The following UBXN2A variants were observed in gnomAD, a reference collection of about 807,000 sequenced individuals.
The protein encoded by UBXN2A is UBX domain protein 2A, also known as UBX domain-containing protein 2A.
A neutral mutation model predicts 28.4 loss-of-function variants in UBXN2A; 28 were observed. The observed-to-expected ratio is 0.99, with a 90% CI of 0.73 to 1.35. The LOEUF (loss-of-function observed/expected upper bound fraction) is 1.35, where lower values mean the gene tolerates loss of function less well. Among genes scored for constraint, UBXN2A ranks in the 40% most tolerant of loss-of-function variants. The probability of loss-of-function intolerance (pLI) is 0.00; values close to 1 mark genes in which losing one functional copy is unlikely to be tolerated. For missense variants in UBXN2A, 253 were observed against 297.9 expected, an observed-to-expected ratio of 0.85 and a Z score of 1.11; for synonymous variants, 97 against 103.6, an observed-to-expected ratio of 0.94 and a Z score of 0.39.
At position 24,003,722 on chromosome 2, in the gene UBXN2A, ACC is replaced by A. The variant is rs1491571475; in HGVS notation, c.*3856_*3857del. 7 of 50,238 alleles carry A rather than the reference ACC, an allele frequency of 1.4e-4. No individual in the cohort carries two copies. Among genetic ancestry groups the A allele is most frequent in the East Asian group, 6.9e-4 (1 of 1,452 alleles). The allele number at this position is 50,238 out of a possible 1,614,324, so 3.1% of individuals were successfully genotyped here. On this transcript the variant is annotated 3_prime_UTR_variant, in exon 7 of 7. Transcript: ENST00000309033. Reference sequence around the variant, plus strand: ...GTAGTGAAACAAAAATAATGTTCTTACCAAAAAAAAAAAAAAAAAAAAGAGGC... The same window carrying A: ...GTAGTGAAACAAAAATAATGTTCTTAAAAAAAAAAAAAAAAAAAAAGAGGC...
rs1421109868 is a variant in UBXN2A at position 23,984,808 on chromosome 2, C to T, written c.561C>T (p.Val187=). 6.4e-7 allele frequency: 1 copy of T among 1,553,914 alleles called. No individual in the cohort carries two copies. Among genetic ancestry groups the T allele is most frequent in the Non-Finnish European group, 8.6e-7 (1 of 1,161,720 alleles). Residue 187 remains valine (V), a synonymous_variant, in exon 6 of 7, where the codon GTC becomes GTT. Coordinates refer to ENST00000309033, the MANE Select transcript of UBXN2A (RefSeq NM_181713.4). The part of the protein sequence containing the change: ...QIWLANGKRI[V]QKFNITHRVS... ...GGTTGGCCAATGGAAAAAGGATTGT[C>T]CAGAAATTTAACATTACTCATAGGT...
intron 1 of UBXN2A, among the ~76,000 whole-genome samples, chr2:23,957,759 G>A (rs924290021): frequency 2.0e-5 from 3 of 152,140 alleles, no homozygotes; most frequent in Non-Finnish European, 2.9e-5. Context: ...TCTGGAACCC[G>A]GGAGATGGAG....
chr2:23,936,013 A>G (rs1057333821), upstream of UBXN2A, among the ~76,000 whole-genome samples: 4 of 152,076 alleles, frequency 2.6e-5, no homozygotes, highest in African/African-American at 4.8e-5. Flanking sequence ...GATTGCACCA[A>G]TGCACTCCAG....
chr2:23,983,145 G>T, intron 5 of UBXN2A, 112 bp downstream of exon 5: 7 of 1,223,796 alleles, frequency 5.7e-6, no homozygotes. Context: ...TTCTCCCATT[G>T]GAAATCAGAT....
chr2:23,948,875 A>G (rs913795223), intron 1 of UBXN2A, among the ~76,000 whole-genome samples: 1 of 151,880 alleles, frequency 6.6e-6, no homozygotes, highest in Non-Finnish European at 1.5e-5. Context: ...AAGTATTTGT[A>G]ATTTCCTAGA....
chr2:23,976,919 C>G lies in UBXN2A; in HGVS notation c.181-50C>G, dbSNP rs773572272. ...AAGAAATTTTCAAAGGACTTTCAAT[C>G]CTACTACATTTTATTAACATGACGC... On this transcript the variant is annotated intron_variant, in intron 3 of 6. Coordinates refer to ENST00000309033, the MANE Select transcript of UBXN2A (RefSeq NM_181713.4). 11 of 1,481,104 alleles carry G rather than the reference C, an allele frequency of 7.4e-6. No homozygotes were observed. In the African/African-American group the frequency reaches 9.7e-5, roughly 13 times the overall value. 91.7% of individuals were successfully genotyped at this position (1,481,104 alleles called of 1,614,324 possible). A position where few individuals can be genotyped will look rare whatever the true frequency, so the allele number is the denominator to read the frequency against.
chr2:23,981,569 A>G (rs1377562925), intron 4 of UBXN2A, among the ~76,000 whole-genome samples: 3 of 151,764 alleles, frequency 2.0e-5, no homozygotes, highest in Non-Finnish European at 4.4e-5. Flanking sequence ...CGTTTTCAGA[A>G]TAAATCAACT....
At chr2:23,963,473 A>G (rs75822221) in intron 2 of UBXN2A, among the ~76,000 whole-genome samples, 1 of 147,232 alleles carries the variant, frequency 6.8e-6, no homozygotes, top group Non-Finnish European at 1.5e-5. Context: ...CAGTGTCTCA[A>G]AAAAAAAAAA....
rs1708690349 is a variant in UBXN2A, at chr2:24,000,265, C to T, written c.*398C>T. ...TGAGTTTTTAAATAGCTAATACGAC[C>T]GGGTACAGTGGTTCATGCCTGTAAT... On this transcript the variant is annotated 3_prime_UTR_variant, in exon 7 of 7. Coordinates refer to ENST00000309033, the MANE Select transcript of UBXN2A (RefSeq NM_181713.4). 9 of 161,464 alleles carry T rather than the reference C, an allele frequency of 5.6e-5. No homozygotes were observed. In the South Asian group the frequency reaches 1.6e-3, roughly 29 times the overall value. The allele number at this position is 161,464 out of a possible 1,614,324, so 10.0% of individuals were successfully genotyped here.
chr2:24,004,598 G>A lies in UBXN2A; in HGVS notation c.*4731G>A, dbSNP rs1247192163. ...GAGCCCCGGAGGCAGAGGTTGCAGT[G>A]AGCCGAGATCGTGCCACTGCACTCC... On this transcript the variant is annotated 3_prime_UTR_variant, in exon 7 of 7. Transcript: ENST00000309033. 2 of 152,268 alleles carry A rather than the reference G, an allele frequency of 1.3e-5. No homozygotes were observed. Among genetic ancestry groups the A allele is most frequent in the African/African-American group, 4.8e-5 (2 of 41,452 alleles). The allele number at this position is 152,268 out of a possible 1,614,324, so 9.4% of individuals were successfully genotyped here.
intron 3 of UBXN2A, among the ~76,000 whole-genome samples, chr2:23,974,369 G>A (rs1207841223): frequency 1.4e-5 from 2 of 142,086 alleles, no homozygotes; most frequent in Non-Finnish European, 3.0e-5. Flanking sequence ...ATTTTGAGAC[G>A]GACTCTCGCT....
chr2:23,940,896 G>C (rs1443856707), intron 1 of UBXN2A, among the ~76,000 whole-genome samples: 1 of 152,060 alleles, frequency 6.6e-6, no homozygotes, highest in East Asian at 1.9e-4. Context: ...CCTGCGGCTT[G>C]ACTTGCGAGC....
At chr2:23,973,939 A>G (rs1707534143) in intron 3 of UBXN2A, among the ~76,000 whole-genome samples, 1 of 147,106 alleles carries the variant, frequency 6.8e-6, no homozygotes, top group African/African-American at 2.5e-5. Context: ...CCTGCCTGGT[A>G]GATATTTTCT....
intron 1 of UBXN2A, among the ~76,000 whole-genome samples, chr2:23,944,712 T>G (rs1206634175): frequency 6.6e-6 from 1 of 152,212 alleles, no homozygotes; most frequent in East Asian, 1.9e-4. Context: ...CTCTGTGGCT[T>G]CTGCCCTGGG....
chr2:23,985,992 A>C, intron 6 of UBXN2A, among the ~76,000 whole-genome samples: 1 of 152,120 alleles, frequency 6.6e-6, no homozygotes, highest in Middle Eastern at 3.4e-3. Context: ...GTCTCAAAAA[A>C]TAAAAATAAT....
At position 23,976,137 on chromosome 2, in the gene UBXN2A, T is replaced by A. The variant is rs112529352; in HGVS notation, c.181-832T>A. Among the ~76,000 whole-genome samples, 243 of 152,302 alleles carry A rather than the reference T, an allele frequency of 1.6e-3. 1 individual carries two copies. Among genetic ancestry groups the A allele is most frequent in the African/African-American group, 5.6e-3 (232 of 41,578 alleles). ...ACCTCTTCCCATTCTTCTAACATAG[T>A]TGTGTCACAATTGGGGATTAAATCA... On this transcript the variant is annotated intron_variant, in intron 3 of 6. Transcript: ENST00000309033.
chr2:23,953,750 C>G (rs901734640), intron 1 of UBXN2A, among the ~76,000 whole-genome samples: 1 of 152,178 alleles, frequency 6.6e-6, no homozygotes. Context: ...TTCCCACATT[C>G]TGGACTTTGT....
At chr2:23,976,277 C>T (rs986405889) in intron 3 of UBXN2A, among the ~76,000 whole-genome samples, 2 of 152,144 alleles carry the variant, frequency 1.3e-5, no homozygotes, top group Admixed American at 6.6e-5. Context: ...ACCCTTCTTC[C>T]TTCAGTGGAT....
At chr2:23,941,131 C>CA (rs1705735914) in intron 1 of UBXN2A, among the ~76,000 whole-genome samples, 4 of 148,690 alleles carry the variant, frequency 2.7e-5, no homozygotes, top group Non-Finnish European at 6.0e-5. Context: ...TTCTTTGTGC[C>CA]TTTTTTTTTT....
Sources: gnomAD v4.1 joint callset for allele counts (sites outside exome capture counted in the v4.1 genomes callset) on GRCh38, gnomAD v4.1.1 for gene constraint, MANE v1.5 for transcripts, NCBI Gene and HGNC (gene_info 2026-07-23, HGNC 2026-07-21) for gene names.